Variants in DICER1 observed in about 807,000 individuals in gnomAD.
DICER1 encodes endoribonuclease Dicer.
Under a neutral mutation model 194.1 loss-of-function variants are expected in DICER1, and 43 were observed. The ratio of observed to expected loss-of-function variants is 0.22; its 90% CI spans 0.17 to 0.29. The LOEUF (loss-of-function observed/expected upper bound fraction) is 0.29, where lower values mean the gene tolerates loss of function less well. Among genes scored for constraint, DICER1 ranks in the 10% least tolerant of loss-of-function variants. The pLI is 1.00. For missense variants in DICER1, 1,608 were observed against 2,317.0 expected (o/e 0.69, Z 6.28); for synonymous variants, 832 against 820.5 (o/e 1.01, Z -0.24).
Position 95,113,077 on chromosome 14 carries a change from T to C in DICER1, c.2040+15A>G. ...CATTTTAAAAGATAACAATCATTTC[T>C]TCTTCTAAACTTACAACAATGGAGG... On this transcript the variant is annotated intron_variant, in intron 12 of 26. Coordinates refer to ENST00000343455, the MANE Select transcript of DICER1 (RefSeq NM_177438.3). The C allele has an allele frequency of 6.2e-7, 1 of 1,612,614 alleles. No homozygotes were observed. Among genetic ancestry groups the C allele is most frequent in the South Asian group, 1.1e-5 (1 of 91,066 alleles).
intron 1 of DICER1, among the ~76,000 whole-genome samples, chr14:95,150,597 C>A (rs1158094810): frequency 1.3e-5 from 2 of 152,338 alleles, no homozygotes; most frequent in East Asian, 1.9e-4. Flanking sequence ...CCATTTTTAA[C>A]CATCACATTA....
chr14:95,098,938 T>C (rs1462287345), intron 22 of DICER1, among the ~76,000 whole-genome samples: 1 of 152,054 alleles, frequency 6.6e-6, no homozygotes, highest in Admixed American at 6.6e-5. Context: ...GATACATGCA[T>C]CACAAAGAAG....
At position 95,088,262 on chromosome 14, in the gene DICER1, C is replaced by T; in HGVS notation, c.*2236G>A. The T allele has an allele frequency of 4.3e-6, 1 of 232,096 alleles. No homozygotes were observed. Among genetic ancestry groups the T allele is most frequent in the Non-Finnish European group, 8.5e-6 (1 of 117,118 alleles). The allele number at this position is 232,096 out of a possible 1,614,324, so 14.4% of individuals were successfully genotyped here. A position where few individuals can be genotyped will look rare whatever the true frequency, so the allele number is the denominator to read the frequency against. ...TTAGTATTAACAAAAAAATACTCTT[C>T]TTAAGGTTACAAATATATTGAGGCA... On this transcript the variant is annotated 3_prime_UTR_variant, in exon 27 of 27. Coordinates refer to ENST00000343455, the MANE Select transcript of DICER1 (RefSeq NM_177438.3).
chr14:95,126,452 CT>C, intron 7 of DICER1, 127 bp downstream of exon 7: 1 of 633,426 alleles, frequency 1.6e-6, no homozygotes, highest in Non-Finnish European at 2.7e-6. Context: ...TGAAAAATGT[CT>C]AAAAAGATTA....
Position 95,086,307 on chromosome 14 carries a change from T to C in DICER1, c.*4191A>G. On this transcript the variant is annotated 3_prime_UTR_variant, in exon 27 of 27. Coordinates refer to ENST00000343455, the MANE Select transcript of DICER1 (RefSeq NM_177438.3). Reference sequence around the variant, plus strand: ...AACAACTAAAGGTAATTGTGATCCATAAGGTGCAGACTGCAAATTTCTGCA... The same window carrying C: ...AACAACTAAAGGTAATTGTGATCCACAAGGTGCAGACTGCAAATTTCTGCA... 4.3e-6 allele frequency: 1 copy of C among 232,930 alleles called. No individual in the cohort carries two copies. The allele number at this position is 232,930 out of a possible 1,614,324, so 14.4% of individuals were successfully genotyped here. A position where few individuals can be genotyped will look rare whatever the true frequency, so the allele number is the denominator to read the frequency against.
chr14:95,139,789 G>T (rs1566824179), intron 1 of DICER1, among the ~76,000 whole-genome samples: 1 of 152,196 alleles, frequency 6.6e-6, no homozygotes, highest in Non-Finnish European at 1.5e-5. Flanking sequence ...GAGAGAGGAT[G>T]TACAAGGACA....
chr14:95,125,277 A>G (rs1045748470), intron 7 of DICER1, among the ~76,000 whole-genome samples: 1 of 151,880 alleles, frequency 6.6e-6, no homozygotes, highest in African/African-American at 2.4e-5. Context: ...AGGAGCTAGG[A>G]CAGCTGCACT....
chr14:95,127,767 G>A (rs1379815182), intron 6 of DICER1, among the ~76,000 whole-genome samples: 2 of 152,128 alleles, frequency 1.3e-5, no homozygotes, highest in Admixed American at 6.5e-5. Context: ...TGACCACAGG[G>A]GCTGATATTC....
At chr14:95,121,403 C>T (rs1050297334) in intron 8 of DICER1, among the ~76,000 whole-genome samples, 1 of 152,082 alleles carries the variant, frequency 6.6e-6, no homozygotes, top group Non-Finnish European at 1.5e-5. Context: ...TAGTAATGGG[C>T]CAATGTTAGT....
intron 1 of DICER1, among the ~76,000 whole-genome samples, chr14:95,140,493 T>A (rs1894761422): frequency 6.6e-6 from 1 of 152,200 alleles, no homozygotes; most frequent in Non-Finnish European, 1.5e-5. Flanking sequence ...AGGTTTATGT[T>A]AATTAAGTAC....
chr14:95,133,244 T>C, intron 2 of DICER1, 71 bp downstream of exon 2: 2 of 1,532,854 alleles, frequency 1.3e-6, no homozygotes, highest in Non-Finnish European at 9.0e-7. Flanking sequence ...TTTATATAAG[T>C]TGTGTCAACT....
intron 1 of DICER1, among the ~76,000 whole-genome samples, chr14:95,143,372 C>T (rs964249025): frequency 6.6e-6 from 1 of 152,050 alleles, no homozygotes; most frequent in African/African-American, 2.4e-5. Flanking sequence ...GGTCCCTTTC[C>T]CCTTTTCTTT....
Position 95,116,672 on chromosome 14 carries a change from A to G in DICER1, c.1533T>C (p.His511=), listed in dbSNP as rs1555372906. ...TTGTTGCAATAAGCAGGTTGGTCTC[A>G]TGTGCTCGAAATTTCCTAAGTACCT... ...QEEVLRKFRA[H]ETNLLIATSI... The change falls in exon 10 of 27, where the codon CAT becomes CAC. Residue 511 remains histidine (H), a synonymous_variant. Coordinates refer to ENST00000343455, the MANE Select transcript of DICER1 (RefSeq NM_177438.3). The G allele has an allele frequency of 6.2e-7, 1 of 1,613,872 alleles. No homozygotes were observed.
intron 1 of DICER1, among the ~76,000 whole-genome samples, chr14:95,150,895 G>A (rs912629023): frequency 1.5e-4 from 23 of 152,034 alleles, no homozygotes; most frequent in Admixed American, 2.0e-4. Context: ...ACAGAGTCTC[G>A]CTCTGTTGCC....
rs1304214909 is a variant in DICER1 at position 95,124,693 on chromosome 14, C to T, written c.904-25G>A. On this transcript the variant is annotated intron_variant, in intron 7 of 26. Transcript: ENST00000343455. This position sits in a 1 kb window ranked among gnomAD's most constrained non-coding sequence, Gnocchi z 4.5. ...TCTACAAAAAAAAGAAAAGAAAAAA[C>T]CTAATGCCAAATAATAATAATGTAG... The T allele has an allele frequency of 2.3e-5, 35 of 1,545,404 alleles. No individual in the cohort carries two copies. The highest frequency in any genetic ancestry group is 2.9e-5 in the Non-Finnish European group (33 of 1,118,964).
At chr14:95,148,133 C>T (rs1595504051) in intron 1 of DICER1, among the ~76,000 whole-genome samples, 1 of 152,112 alleles carries the variant, frequency 6.6e-6, no homozygotes, top group Non-Finnish European at 1.5e-5. Flanking sequence ...GCTTCCAAGC[C>T]CTCCCAGAGC....
intron 9 of DICER1, among the ~76,000 whole-genome samples, chr14:95,116,938 A>C (rs1892527835): frequency 6.6e-6 from 1 of 152,224 alleles, no homozygotes; most frequent in Non-Finnish European, 1.5e-5. Context: ...TGGTAACATA[A>C]GCTAGTGTTC....
intron 1 of DICER1, among the ~76,000 whole-genome samples, chr14:95,143,769 G>A (rs1017029137): frequency 2.0e-5 from 3 of 152,010 alleles, no homozygotes; most frequent in Non-Finnish European, 4.4e-5. Context: ...TACCTTTGTG[G>A]AGCAATTTTC....
intron 24 of DICER1, 79 bp downstream of exon 24, chr14:95,093,809 A>T: frequency 6.7e-7 from 1 of 1,491,702 alleles, no homozygotes; most frequent in Non-Finnish European, 9.3e-7. Flanking sequence ...CCTTTAGACC[A>T]CTATGCCGTC....
Sources: gnomAD v4.1 joint callset for allele counts (sites outside exome capture counted in the v4.1 genomes callset) on GRCh38, gnomAD v4.1.1 for gene constraint, Gnocchi (gnomAD v3.1) non-coding constraint, MANE v1.5 for transcripts, NCBI Gene and HGNC (gene_info 2026-07-23, HGNC 2026-07-21) for gene names.